LRRFIP1: variants seen among roughly 807,000 people sequenced by gnomAD.
LRRFIP1 encodes the protein leucine-rich repeat flightless-interacting protein 1.
A neutral mutation model predicts 104.4 loss-of-function variants in LRRFIP1; 62 were observed. The observed-to-expected ratio is 0.59, with a 90% CI of 0.48 to 0.73. LRRFIP1 has a LOEUF of 0.73. Among genes scored for constraint, LRRFIP1 ranks in the 30% least tolerant of loss-of-function variants. The probability of loss-of-function intolerance (pLI) is 0.00; values close to 1 mark genes in which losing one functional copy is unlikely to be tolerated. For missense variants in LRRFIP1, 796 were observed against 824.5 expected (o/e 0.97, Z 0.42); for synonymous variants, 300 against 299.0 (o/e 1.00, Z -0.03).
rs563912714 is a variant in LRRFIP1, at chr2:237,759,295, G to A, written c.1317+474G>A. 3.9e-5 allele frequency among the ~76,000 whole-genome samples: 6 copies of A among 152,202 alleles called. No homozygotes were observed. The South Asian group carries it at 1.2e-3, about 32-fold the overall frequency. ...CCTGTCCTTGGTGGGCCACGCCAAG[G>A]CGTCTTCAGCCGCTGCTTGACACAG... On this transcript the variant is annotated intron_variant, in intron 18 of 23. Coordinates refer to ENST00000308482, the MANE Select transcript of LRRFIP1 (RefSeq NM_001137550.2).
intron 4 of LRRFIP1, among the ~76,000 whole-genome samples, chr2:237,718,518 C>T (rs992006494): frequency 1.3e-5 from 2 of 152,300 alleles, no homozygotes; most frequent in East Asian, 3.9e-4. Flanking sequence ...GCGGAAGGGG[C>T]ACAATCTGTG....
Position 237,649,145 on chromosome 2 carries a change from C to T in LRRFIP1, c.96+21405C>T, listed in dbSNP as rs1164744133. Among the ~76,000 whole-genome samples the T allele has an allele frequency of 1.3e-5, 2 of 151,866 alleles. No homozygotes were observed. The highest frequency in any genetic ancestry group is 2.9e-5 in the Non-Finnish European group (2 of 67,890). On this transcript the variant is annotated intron_variant, in intron 1 of 23. Coordinates refer to ENST00000308482, the MANE Select transcript of LRRFIP1 (RefSeq NM_001137550.2). The surrounding 1 kb of genome is among the most constrained non-coding windows in gnomAD (Gnocchi z 4.1). Reference sequence around the variant, plus strand: ...CATGGTTTGGAAGCTCGCATGGTCCCAGCCTCAGAGCCCCGTTCTCTGTGA... The same window carrying T: ...CATGGTTTGGAAGCTCGCATGGTCCTAGCCTCAGAGCCCCGTTCTCTGTGA...
intron 8 of LRRFIP1, among the ~76,000 whole-genome samples, chr2:237,731,872 G>A (rs1398391460): frequency 6.6e-6 from 1 of 152,140 alleles, no homozygotes; most frequent in African/African-American, 2.4e-5. Context: ...GTGTGCCCGT[G>A]ATTTGCTGCC....
chr2:237,772,229 G>T, intron 21 of LRRFIP1, 31 bp downstream of exon 21: 1 of 1,518,880 alleles, frequency 6.6e-7, no homozygotes. Flanking sequence ...AGAAGTAAAT[G>T]CTTTCACATG....
intron 1 of LRRFIP1, among the ~76,000 whole-genome samples, chr2:237,677,107 C>A (rs76469118): frequency 0.014 from 2,184 of 152,290 alleles, 50 homozygotes; most frequent in African/African-American, 0.049. Flanking sequence ...AGTATACTCA[C>A]CCTCTTGTGC....
At position 237,735,294 on chromosome 2, in the gene LRRFIP1, C is replaced by T. The variant is rs201261213; in HGVS notation, c.516C>T (p.Phe172=). 1.5e-4 allele frequency: 241 copies of T among 1,613,396 alleles called. 1 individual carries two copies. Among genetic ancestry groups the T allele is most frequent in the Non-Finnish European group, 1.9e-4 (228 of 1,179,846 alleles). ...CGTCTGTGTTGGATGAAGGCAGCTT[C>T]GGTGGGACCCGACGGGGCAGCACCT... ...YRASVLDEGS[F]GGTRRGSTSG... is the part of the protein sequence containing the mutation. The change falls in exon 10 of 24, where the codon TTC becomes TTT. Residue 172 remains phenylalanine (F), a synonymous_variant. Transcript: ENST00000308482. The surrounding 1 kb of genome is among the most constrained non-coding windows in gnomAD (Gnocchi z 4.6).
chr2:237,712,555 G>A (rs2150073195), intron 2 of LRRFIP1, among the ~76,000 whole-genome samples: 1 of 152,344 alleles, frequency 6.6e-6, no homozygotes, highest in Middle Eastern at 3.4e-3. Context: ...CTTTCACCTA[G>A]CTGTGCTTTT....
chr2:237,674,252 T>C (rs1460593672), intron 1 of LRRFIP1, among the ~76,000 whole-genome samples: 2 of 152,080 alleles, frequency 1.3e-5, no homozygotes, highest in Admixed American at 1.3e-4. Flanking sequence ...GTGGTCAAAG[T>C]GGGTGGTGGG....
chr2:237,764,924 A>G (rs1295834260), intron 19 of LRRFIP1: 1 of 985,490 alleles, frequency 1.0e-6, no homozygotes, highest in Non-Finnish European at 1.2e-6. Context: ...ATATATGTCA[A>G]ATTACATTTC....
At chr2:237,748,339 A>G in intron 11 of LRRFIP1, 25 bp from the exon 12 acceptor site, 1 of 1,553,356 alleles carries the variant, frequency 6.4e-7, no homozygotes, top group South Asian at 1.1e-5. Context: ...AAAGTATTTA[A>G]TATTTTGTCT....
At chr2:237,643,299 A>T (rs2084315248) in intron 1 of LRRFIP1, among the ~76,000 whole-genome samples, 1 of 152,024 alleles carries the variant, frequency 6.6e-6, no homozygotes, top group South Asian at 2.1e-4. Context: ...CTTGAGCCCC[A>T]CCTGTGCTAC....
intron 1 of LRRFIP1, among the ~76,000 whole-genome samples, chr2:237,697,813 G>A (rs1448047724): frequency 2.6e-5 from 4 of 152,052 alleles, no homozygotes; most frequent in Non-Finnish European, 4.4e-5. Context: ...AGGCCCAGCC[G>A]CCCTCGCCTC....
intron 1 of LRRFIP1, among the ~76,000 whole-genome samples, chr2:237,671,781 C>T (rs948107272): frequency 6.6e-5 from 10 of 151,246 alleles, no homozygotes; most frequent in Non-Finnish European, 1.2e-4. Flanking sequence ...CGTGTGCATG[C>T]CTGTGTGTGT....
rs116118364 is a variant in LRRFIP1, at chr2:237,711,539, C to T, written c.184-2720C>T. Among the ~76,000 whole-genome samples, 2,359 of 152,320 alleles carry T rather than the reference C, an allele frequency of 0.015. 74 individuals are homozygous for T. Among genetic ancestry groups the T allele is most frequent in the African/African-American group, 0.053 (2,207 of 41,556 alleles). Reference sequence around the variant, plus strand: ...ACGGTCCTCTGTGGATCTGCAGTCTCGGCTTCCTCATCACCGATGCCTGCA... The same window carrying T: ...ACGGTCCTCTGTGGATCTGCAGTCTTGGCTTCCTCATCACCGATGCCTGCA... On this transcript the variant is annotated intron_variant, in intron 2 of 23. Transcript: ENST00000308482. The surrounding 1 kb of genome is among the most constrained non-coding windows in gnomAD (Gnocchi z 4.4).
chr2:237,739,955 G>A (rs1349957945), intron 11 of LRRFIP1, among the ~76,000 whole-genome samples: 3 of 152,138 alleles, frequency 2.0e-5, no homozygotes, highest in East Asian at 1.9e-4. Context: ...ACTGGGGCTT[G>A]TGGGAATGGA....
intron 8 of LRRFIP1, among the ~76,000 whole-genome samples, chr2:237,732,228 T>C (rs1324796199): frequency 6.6e-6 from 1 of 152,202 alleles, no homozygotes; most frequent in East Asian, 1.9e-4. Flanking sequence ...GTTTTGGTTG[T>C]ATAAGGTAAT....
At position 237,713,923 on chromosome 2, in the gene LRRFIP1, G is replaced by A. The variant is rs916393547; in HGVS notation, c.184-336G>A. On this transcript the variant is annotated intron_variant, in intron 2 of 23. Transcript: ENST00000308482. Reference sequence around the variant, plus strand: ...ACTTTTTGATTAAACTTTTATTACCGCAAAAAGAAATTCTGAATTAAAGAT... The same window carrying A: ...ACTTTTTGATTAAACTTTTATTACCACAAAAAGAAATTCTGAATTAAAGAT... Among the ~76,000 whole-genome samples, 3 of 151,978 alleles carry A rather than the reference G, an allele frequency of 2.0e-5. 1 individual carries two copies. Among genetic ancestry groups the A allele is most frequent in the African/African-American group, 7.3e-5 (3 of 41,356 alleles).
intron 6 of LRRFIP1, chr2:237,722,281 A>C (rs1342736714): frequency 6.6e-6 from 1 of 152,118 alleles, no homozygotes; most frequent in East Asian, 1.9e-4. Flanking sequence ...AAAATGCATC[A>C]TTTTCAGAGC....
intron 1 of LRRFIP1, among the ~76,000 whole-genome samples, chr2:237,687,854 G>A (rs995918153): frequency 2.0e-5 from 3 of 152,196 alleles, no homozygotes; most frequent in Admixed American, 6.5e-5. Flanking sequence ...TGTCATCCCT[G>A]TAAGGGTTTG....
Sources: allele counts gnomAD v4.1 joint callset (sites outside exome capture counted in the v4.1 genomes callset), GRCh38; gene constraint gnomAD v4.1.1; non-coding constraint Gnocchi (gnomAD v3.1); transcripts MANE v1.5; gene names NCBI Gene and HGNC (gene_info 2026-07-23, HGNC 2026-07-21).